The following MAD1L1 variants were observed in gnomAD, a reference collection of about 807,000 sequenced individuals.
MAD1L1 encodes mitotic arrest deficient 1 like 1, also known as mitotic spindle assembly checkpoint protein MAD1.
A neutral mutation model predicts 96.9 loss-of-function variants in MAD1L1; 95 were observed. The observed-to-expected ratio is 0.98, with a 90% confidence interval of 0.83 to 1.16. MAD1L1 has a LOEUF of 1.16. Among genes scored for constraint, MAD1L1 ranks in the 50% most tolerant of loss-of-function variants. The pLI is 0.00. For synonymous variants in MAD1L1, 473 were observed against 396.6 expected, an observed-to-expected ratio of 1.19 and a Z score of -2.29; for missense variants, 1,007 against 954.4, an observed-to-expected ratio of 1.06 and a Z score of -0.73.
At chr7:1,852,916 T>C (rs1030458510) in intron 18 of MAD1L1, among the ~76,000 whole-genome samples, 2 of 152,112 alleles carry the variant, frequency 1.3e-5, no homozygotes, top group Admixed American at 6.5e-5. Context: ...CTGGAGCCCA[T>C]GTCTGCATCA....
intron 11 of MAD1L1, among the ~76,000 whole-genome samples, chr7:2,071,586 C>G (rs563959352): frequency 1.3e-5 from 2 of 152,174 alleles, no homozygotes; most frequent in South Asian, 2.1e-4. Context: ...CCAGGAAGAT[C>G]GAGGCCGGAC....
chr7:2,080,685 G>A lies in MAD1L1; in HGVS notation c.1074-11347C>T, dbSNP rs1188080382. Among the ~76,000 whole-genome samples, 6 of 152,320 alleles carry A rather than the reference G, an allele frequency of 3.9e-5. No homozygotes were observed. In the South Asian group the frequency reaches 6.2e-4, roughly 16 times the overall value. ...CCAGGCAGCTGGAAACTCCCGGGTC[G>A]CAGAGCAGCCCTGCTGTCGGCTGCA... On this transcript the variant is annotated intron_variant, in intron 11 of 18. Coordinates refer to ENST00000265854, the MANE Select transcript of MAD1L1 (RefSeq NM_001013836.2).
intron 18 of MAD1L1, among the ~76,000 whole-genome samples, chr7:1,883,537 G>A (rs73288726): frequency 0.014 from 2,186 of 152,268 alleles, 55 homozygotes; most frequent in African/African-American, 0.049. Context: ...CCAGTGTCCC[G>A]GAGACCCTCG....
intron 14 of MAD1L1, among the ~76,000 whole-genome samples, chr7:1,986,211 C>T (rs1781132373): frequency 6.6e-6 from 1 of 152,228 alleles, no homozygotes; most frequent in Admixed American, 6.5e-5. Flanking sequence ...AGAGAAAGGA[C>T]ACCGTGAGTT....
intron 17 of MAD1L1, among the ~76,000 whole-genome samples, chr7:1,935,267 G>T (rs901462480): frequency 6.6e-6 from 1 of 152,256 alleles, no homozygotes; most frequent in Non-Finnish European, 1.5e-5. Flanking sequence ...ACCAGAAAGG[G>T]GGCTGGGGAC....
chr7:2,221,613 C>A (rs1258492979), intron 5 of MAD1L1, among the ~76,000 whole-genome samples: 1 of 152,146 alleles, frequency 6.6e-6, no homozygotes, highest in Non-Finnish European at 1.5e-5. Context: ...CCAATTTCCA[C>A]CAGTGCCCAT....
chr7:2,182,045 A>T (rs1791225723), intron 10 of MAD1L1, among the ~76,000 whole-genome samples: 1 of 152,186 alleles, frequency 6.6e-6, no homozygotes. Flanking sequence ...CTCAGGTGAC[A>T]GGTGCACCAA....
At chr7:2,191,569 A>T (rs761035261) in intron 10 of MAD1L1, among the ~76,000 whole-genome samples, 21 of 151,974 alleles carry the variant, frequency 1.4e-4, no homozygotes, top group Non-Finnish European at 2.8e-4. Flanking sequence ...CGTCTCTACT[A>T]AAAATACAAA....
chr7:2,219,626 G>C lies in MAD1L1; in HGVS notation c.472-170C>G, dbSNP rs1793483547. Among the ~76,000 whole-genome samples the C allele has an allele frequency of 2.8e-5, 4 of 141,918 alleles. No homozygotes were observed. In the South Asian group the frequency reaches 9.3e-4, roughly 33 times the overall value. The allele number at this position is 141,918 out of a possible 152,430, so 93.1% of individuals were successfully genotyped here. On this transcript the variant is annotated intron_variant, in intron 5 of 18. Coordinates refer to ENST00000265854, the MANE Select transcript of MAD1L1 (RefSeq NM_001013836.2). ...GGGGCAGAGGGGCATCGGGCAGAGG[G>C]GTAGGGGGGCAGAGCGGTAGGGGGG... is the stretch of plus-strand genomic sequence containing the variant.
At chr7:2,203,413 G>A (rs1357138483) in intron 10 of MAD1L1, among the ~76,000 whole-genome samples, 4 of 152,248 alleles carry the variant, frequency 2.6e-5, no homozygotes, top group South Asian at 2.1e-4. Context: ...GTCACACGCC[G>A]TGACGGGAGC....
At chr7:2,171,449 G>A (rs1205006061) in intron 10 of MAD1L1, among the ~76,000 whole-genome samples, 4 of 152,180 alleles carry the variant, frequency 2.6e-5, no homozygotes, top group African/African-American at 7.2e-5. Context: ...GCAGGGCCAC[G>A]TATGGGTCAC....
Position 1,815,817 on chromosome 7 carries a change from C to T in MAD1L1, c.*253G>A, listed in dbSNP as rs767148986. The T allele has an allele frequency of 9.9e-6, 5 of 506,936 alleles. No individual in the cohort carries two copies. The highest frequency in any genetic ancestry group is 1.8e-5 in the Non-Finnish European group (5 of 282,710). The allele number at this position is 506,936 out of a possible 1,614,324, so 31.4% of individuals were successfully genotyped here. A position where few individuals can be genotyped will look rare whatever the true frequency, so the allele number is the denominator to read the frequency against. ...GTGTCTAGGGGAGAAGATTTTATTTCACAAGGTGAGGAACCCAGGCTGGTG... is the reference window on the plus strand; with the variant it reads ...GTGTCTAGGGGAGAAGATTTTATTTTACAAGGTGAGGAACCCAGGCTGGTG... On this transcript the variant is annotated 3_prime_UTR_variant, in exon 19 of 19. Transcript: ENST00000265854.
intron 11 of MAD1L1, among the ~76,000 whole-genome samples, chr7:2,101,061 G>A (rs951416779): frequency 2.6e-5 from 4 of 152,246 alleles, no homozygotes; most frequent in Non-Finnish European, 5.9e-5. Context: ...AGGATGGGGG[G>A]AGTGCTGCCA....
At chr7:2,227,508 GA>G (rs1562391857) in intron 3 of MAD1L1, among the ~76,000 whole-genome samples, 1 of 152,084 alleles carries the variant, frequency 6.6e-6, no homozygotes, top group African/African-American at 2.4e-5. Context: ...AGAGGCCAGG[GA>G]AGTTGTTAAA....
intron 10 of MAD1L1, among the ~76,000 whole-genome samples, chr7:2,150,380 G>A (rs1486386936): frequency 6.6e-6 from 1 of 152,060 alleles, no homozygotes; most frequent in Non-Finnish European, 1.5e-5. Context: ...TCACGCACTG[G>A]GCCCGACCAG....
intron 18 of MAD1L1, among the ~76,000 whole-genome samples, chr7:1,857,380 G>A (rs974402042): frequency 3.3e-5 from 5 of 152,180 alleles, no homozygotes; most frequent in Non-Finnish European, 7.4e-5. Context: ...TCCTGGTCAT[G>A]CCCCGGGAGG....
At chr7:1,920,618 G>T (rs190182172) in intron 17 of MAD1L1, among the ~76,000 whole-genome samples, 141 of 152,306 alleles carry the variant, frequency 9.3e-4, no homozygotes, top group Non-Finnish European at 1.5e-3. Flanking sequence ...GATGGAAGGA[G>T]TAAGACCTCA....
In MAD1L1 at chr7:1,988,040, G is replaced by A. The variant is rs559108109; in HGVS notation, c.1417-7499C>T. Among the ~76,000 whole-genome samples the A allele has an allele frequency of 7.2e-5, 11 of 152,342 alleles. No individual in the cohort carries two copies. The East Asian group carries it at 1.2e-3, about 16-fold the overall frequency. ...ACCTGTAGAACACCTACTCACACCC[G>A]GGGCAGGCCCATGAGAGGCGAGGAG... On this transcript the variant is annotated intron_variant, in intron 14 of 18. Transcript: ENST00000265854.
At chr7:2,175,675 G>C (rs1245406587) in intron 10 of MAD1L1, among the ~76,000 whole-genome samples, 1 of 152,074 alleles carries the variant, frequency 6.6e-6, no homozygotes. Context: ...CAGGCTTGTT[G>C]AATGACTGCC....
Sources: allele counts gnomAD v4.1 joint callset (sites outside exome capture counted in the v4.1 genomes callset), GRCh38; gene constraint gnomAD v4.1.1; transcripts MANE v1.5; gene names NCBI Gene and HGNC (gene_info 2026-07-23, HGNC 2026-07-21).